IMMP2L: variants seen among roughly 807,000 people sequenced by gnomAD.
IMMP2L encodes the protein inner mitochondrial membrane peptidase subunit 2.
A neutral mutation model predicts 19.3 loss-of-function variants in IMMP2L; 18 were observed. That is an observed-to-expected ratio of 0.93 (90% CI 0.64 to 1.38). The LOEUF (loss-of-function observed/expected upper bound fraction) is 1.38, where lower values mean the gene tolerates loss of function less well. Among genes scored for constraint, IMMP2L ranks in the 40% most tolerant of loss-of-function variants. The pLI is 0.00. For synonymous variants in IMMP2L, 76 were observed against 73.0 expected (o/e 1.04, Z -0.21); for missense variants, 233 against 218.2 (o/e 1.07, Z -0.43).
intron 5 of IMMP2L, among the ~76,000 whole-genome samples, chr7:110,854,819 A>ACTATAATATT (rs1466755721): frequency 6.6e-6 from 1 of 151,990 alleles, no homozygotes; most frequent in Non-Finnish European, 1.5e-5. Context: ...CTCATACTAG[A>ACTATAATATT]CTATAATATT....
At chr7:111,560,296 G>A (rs894501892) in intron 1 of IMMP2L, among the ~76,000 whole-genome samples, 1 of 151,984 alleles carries the variant, frequency 6.6e-6, no homozygotes. Flanking sequence ...TTCTAGCTTA[G>A]ATCTTTTAAA....
At chr7:111,287,817 A>G (rs976028416) in intron 3 of IMMP2L, among the ~76,000 whole-genome samples, 3 of 152,134 alleles carry the variant, frequency 2.0e-5, no homozygotes. Context: ...TTTCACAGAC[A>G]GGAGAACTTC....
chr7:110,755,528 T>C (rs991435468), intron 5 of IMMP2L, among the ~76,000 whole-genome samples: 3 of 152,156 alleles, frequency 2.0e-5, no homozygotes, highest in African/African-American at 7.2e-5. Flanking sequence ...CACGTATTTA[T>C]AGAGCACCTA....
intron 3 of IMMP2L, among the ~76,000 whole-genome samples, chr7:111,395,669 T>C (rs1350271433): frequency 2.0e-5 from 3 of 152,184 alleles, no homozygotes; most frequent in Non-Finnish European, 4.4e-5. Context: ...GAAAGCATAG[T>C]ATAATTTAAT....
At chr7:111,453,733 T>A (rs1839430560) in intron 3 of IMMP2L, among the ~76,000 whole-genome samples, 1 of 152,138 alleles carries the variant, frequency 6.6e-6, no homozygotes, top group African/African-American at 2.4e-5. Context: ...AATGTCTTGA[T>A]CCAACCCAAG....
chr7:110,980,227 C>CTTCTTT, intron 3 of IMMP2L, among the ~76,000 whole-genome samples: 1 of 91,904 alleles, frequency 1.1e-5, no homozygotes, highest in Non-Finnish European at 2.0e-5. Context: ...TGTGCTGCTT[C>CTTCTTT]TTTTTTTTTT....
At chr7:110,968,625 T>C (rs562219831) in intron 3 of IMMP2L, among the ~76,000 whole-genome samples, 5 of 152,204 alleles carry the variant, frequency 3.3e-5, no homozygotes, top group East Asian at 1.9e-4. Flanking sequence ...GTGAGCAATG[T>C]TGACGCCAAT....
At chr7:110,673,263 T>C (rs1792049684) in intron 5 of IMMP2L, among the ~76,000 whole-genome samples, 4 of 152,348 alleles carry the variant, frequency 2.6e-5, no homozygotes, top group East Asian at 3.9e-4. Context: ...CTTTTAGCCA[T>C]GGCTGAATCC....
chr7:111,054,681 C>T (rs1793331549), intron 3 of IMMP2L, among the ~76,000 whole-genome samples: 1 of 152,164 alleles, frequency 6.6e-6, no homozygotes, highest in Non-Finnish European at 1.5e-5. Flanking sequence ...GTCAGAGGAA[C>T]ATCAAACTCT....
chr7:110,962,775 T>C (rs978479736), intron 4 of IMMP2L: 3 of 1,139,162 alleles, frequency 2.6e-6, no homozygotes, highest in African/African-American at 1.6e-5. Context: ...ACAAATACTT[T>C]AGGATCAAGT....
At chr7:111,222,322 C>A (rs540096872) in intron 3 of IMMP2L, among the ~76,000 whole-genome samples, 29 of 151,402 alleles carry the variant, frequency 1.9e-4, no homozygotes, top group Admixed American at 8.6e-4. Context: ...CCTAACAAAA[C>A]AAAAAAACTC....
In IMMP2L at chr7:110,684,379, A is replaced by C. The variant is rs183947255; in HGVS notation, c.409-20658T>G. Among the ~76,000 whole-genome samples the C allele has an allele frequency of 1.9e-3, 282 of 152,220 alleles. 1 individual carries two copies. Among genetic ancestry groups the C allele is most frequent in the African/African-American group, 6.6e-3 (274 of 41,564 alleles). On this transcript the variant is annotated intron_variant, in intron 5 of 5. Coordinates refer to ENST00000405709, the MANE Select transcript of IMMP2L (RefSeq NM_032549.4). The stretch of plus-strand genomic sequence containing the variant: ...CTAAGGCAAGTATAATGACAGAGAC[A>C]AATTAATTTTTTAGAGCAATGTTAT...
At chr7:110,946,021 A>C (rs118155423) in intron 4 of IMMP2L, among the ~76,000 whole-genome samples, 138 of 152,294 alleles carry the variant, frequency 9.1e-4, no homozygotes, top group Middle Eastern at 3.4e-3. Flanking sequence ...TTAAACCAAA[A>C]TGTAAACAAA....
At chr7:111,421,828 T>C (rs1332436939) in intron 3 of IMMP2L, among the ~76,000 whole-genome samples, 1 of 151,878 alleles carries the variant, frequency 6.6e-6, no homozygotes, top group African/African-American at 2.4e-5. Context: ...TGCCTAGGTT[T>C]CCTTCTAGGG....
intron 3 of IMMP2L, among the ~76,000 whole-genome samples, chr7:110,999,328 T>C (rs936842838): frequency 3.9e-5 from 1 of 25,550 alleles, no homozygotes; most frequent in Admixed American, 7.6e-4. Context: ...TCATTTTCCA[T>C]GGTTTTTTTT....
intron 5 of IMMP2L, among the ~76,000 whole-genome samples, chr7:110,703,070 G>C (rs1366767693): frequency 1.3e-5 from 2 of 152,116 alleles, no homozygotes; most frequent in Non-Finnish European, 2.9e-5. Flanking sequence ...TAATGTTGCT[G>C]TAGGTTTTTA....
intron 3 of IMMP2L, among the ~76,000 whole-genome samples, chr7:111,164,982 A>G (rs1376412776): frequency 6.6e-6 from 1 of 152,056 alleles, no homozygotes. Context: ...GTACATTCAC[A>G]TTGTTCTGTT....
Position 111,509,466 on chromosome 7 carries a change from A to G in IMMP2L, c.135+11847T>C, listed in dbSNP as rs181139300. On this transcript the variant is annotated intron_variant, in intron 2 of 5. Transcript: ENST00000405709. ...GCTCCACTCCCTTAGTTATAGCTCA[A>G]TTTGAGCTGTCTCACCCTTGTAAGC... Among the ~76,000 whole-genome samples, 477 of 152,294 alleles carry G rather than the reference A, an allele frequency of 3.1e-3. 4 individuals are homozygous for G. The highest frequency in any genetic ancestry group is 0.011 in the African/African-American group (446 of 41,568).
intron 3 of IMMP2L, among the ~76,000 whole-genome samples, chr7:111,389,507 G>C (rs1326116550): frequency 6.6e-6 from 1 of 151,740 alleles, no homozygotes. Context: ...GAGTACTGGG[G>C]CATCATGTCT....
Sources: allele counts gnomAD v4.1 joint callset (sites outside exome capture counted in the v4.1 genomes callset), GRCh38; gene constraint gnomAD v4.1.1; transcripts MANE v1.5; gene names NCBI Gene and HGNC (gene_info 2026-07-23, HGNC 2026-07-21).